Variants in FBXW8 observed in about 807,000 individuals in gnomAD.
FBXW8 encodes F-box/WD repeat-containing protein 8.
A neutral mutation model predicts 65.3 loss-of-function variants in FBXW8; 57 were observed. The ratio of observed to expected loss-of-function variants is 0.87; its 90% CI spans 0.71 to 1.09. The LOEUF (loss-of-function observed/expected upper bound fraction) is 1.09, where lower values mean the gene tolerates loss of function less well. Among genes scored for constraint, FBXW8 ranks in the 50% least tolerant of loss-of-function variants. FBXW8 has a pLI of 0.00. For missense variants in FBXW8, 777 were observed against 814.8 expected, an observed-to-expected ratio of 0.95 and a Z score of 0.57; for synonymous variants, 308 against 330.2, an observed-to-expected ratio of 0.93 and a Z score of 0.73.
At chr12:116,990,673 T>G (rs1373364760) in intron 7 of FBXW8, among the ~76,000 whole-genome samples, 1 of 152,218 alleles carries the variant, frequency 6.6e-6, no homozygotes, top group East Asian at 1.9e-4. Flanking sequence ...AGTAATACAG[T>G]TGTAATGGAT....
chr12:116,932,610 A>G (rs7959860), intron 2 of FBXW8, among the ~76,000 whole-genome samples: 7,191 of 152,232 alleles, frequency 0.047, 415 homozygotes, highest in African/African-American at 0.13. Flanking sequence ...ATCTCGGCTC[A>G]CTGCAACCTC....
intron 4 of FBXW8, among the ~76,000 whole-genome samples, chr12:116,960,579 A>G (rs146877316): frequency 8.9e-4 from 136 of 152,350 alleles, no homozygotes; most frequent in African/African-American, 3.1e-3. Flanking sequence ...CAGTTTGGAA[A>G]TAAGTGGAAG....
rs544237486 is a variant in FBXW8, at chr12:116,936,177, C to T, written c.423+8050C>T. Among the ~76,000 whole-genome samples the T allele has an allele frequency of 3.9e-5, 6 of 152,128 alleles. No individual in the cohort carries two copies. The highest frequency in any genetic ancestry group is 1.4e-4 in the African/African-American group (6 of 41,504). On this transcript the variant is annotated intron_variant, in intron 2 of 10. Transcript: ENST00000652555. This position sits in a 1 kb window ranked among gnomAD's most constrained non-coding sequence, Gnocchi z 4.6. ...AGAGAAGGTGAGCTTTGAGCAAAGA[C>T]CTGAAGGAGGGGTGAAGGACACTGT...
At chr12:116,934,403 G>A (rs1882011874) in intron 2 of FBXW8, among the ~76,000 whole-genome samples, 1 of 152,032 alleles carries the variant, frequency 6.6e-6, no homozygotes, top group South Asian at 2.1e-4. Context: ...CATTGAACAG[G>A]TTTGTAATCT....
intron 4 of FBXW8, 28 bp downstream of exon 4, chr12:116,949,734 T>C: frequency 6.2e-7 from 1 of 1,603,732 alleles, no homozygotes; most frequent in Non-Finnish European, 8.5e-7. Flanking sequence ...CACTGAGTGC[T>C]CTGCATCTGA....
At chr12:116,983,724 T>C (rs1053079291) in intron 5 of FBXW8, among the ~76,000 whole-genome samples, 1 of 152,220 alleles carries the variant, frequency 6.6e-6, no homozygotes, top group East Asian at 1.9e-4. Flanking sequence ...GATTTACGGA[T>C]GATCAATAGA....
intron 2 of FBXW8, among the ~76,000 whole-genome samples, chr12:116,940,192 G>A (rs550163042): frequency 5.9e-5 from 9 of 152,250 alleles, no homozygotes; most frequent in South Asian, 4.1e-4. Context: ...TGTCAGCCTG[G>A]GGGGTGGGCT....
intron 1 of FBXW8, among the ~76,000 whole-genome samples, chr12:116,917,070 G>A (rs993571334): frequency 6.6e-6 from 1 of 152,176 alleles, no homozygotes; most frequent in Non-Finnish European, 1.5e-5. Context: ...CATAGGTCAT[G>A]TTTGTTATTC....
Position 116,928,057 on chromosome 12 carries a change from A to G in FBXW8, c.353A>G (p.Gln118Arg). 1 of 1,610,560 alleles carries G rather than the reference A, an allele frequency of 6.2e-7. No individual in the cohort carries two copies. Among genetic ancestry groups the G allele is most frequent in the Non-Finnish European group, 8.5e-7 (1 of 1,178,746 alleles). The change falls in exon 2 of 11, where the codon CAA becomes CGA. Residue 118 changes from glutamine (Q) to arginine (R), a missense_variant. Physicochemically the swap from Gln to Arg is conservative, Grantham distance 43. Coordinates refer to ENST00000652555, the MANE Select transcript of FBXW8 (RefSeq NM_153348.3). Reference protein sequence around the residue: ...EMNDVPFFDIQLPYELAINIF... With the variant: ...EMNDVPFFDIRLPYELAINIF... Reference sequence around the variant, plus strand: ...AATGATGTGCCTTTCTTTGATATCCAACTGCCTTACGAATTGGCAATCAAT... The same window carrying G: ...AATGATGTGCCTTTCTTTGATATCCGACTGCCTTACGAATTGGCAATCAAT...
chr12:117,024,088 C>A, intron 8 of FBXW8, 59 bp from the exon 9 acceptor site: 1 of 1,569,364 alleles, frequency 6.4e-7, no homozygotes, highest in Non-Finnish European at 8.7e-7. Context: ...GGGAGTTTGT[C>A]ATTTGAAGCT....
At chr12:116,959,313 G>A (rs1407467279) in intron 4 of FBXW8, among the ~76,000 whole-genome samples, 2 of 152,158 alleles carry the variant, frequency 1.3e-5, no homozygotes, top group Non-Finnish European at 2.9e-5. Flanking sequence ...ACTTAAATGG[G>A]GGTGGTTCTT....
At chr12:116,963,968 G>A (rs1381608547) in intron 4 of FBXW8, among the ~76,000 whole-genome samples, 1 of 152,166 alleles carries the variant, frequency 6.6e-6, no homozygotes, top group Non-Finnish European at 1.5e-5. Flanking sequence ...TTATCATCTG[G>A]CCATTCTGTC....
chr12:116,919,531 T>C (rs1340387293), intron 1 of FBXW8, among the ~76,000 whole-genome samples: 1 of 152,204 alleles, frequency 6.6e-6, no homozygotes, highest in Non-Finnish European at 1.5e-5. Context: ...TCGTTAGTAC[T>C]CAGAGTTTGC....
intron 6 of FBXW8, chr12:116,986,118 G>A (rs1885659259): frequency 6.6e-6 from 1 of 152,226 alleles, no homozygotes. Flanking sequence ...TGGTAGGAGA[G>A]TGAGCAGAAA....
chr12:116,986,042 G>A (rs543619399), intron 6 of FBXW8: 1 of 152,354 alleles, frequency 6.6e-6, no homozygotes, highest in South Asian at 2.1e-4. Context: ...TTGGTGTTAA[G>A]AAGGAAGTGC....
At chr12:116,986,764 G>A (rs987382236) in intron 6 of FBXW8, 1 of 152,280 alleles carries the variant, frequency 6.6e-6, no homozygotes, top group African/African-American at 2.4e-5. Context: ...GTGGCATCCT[G>A]GCACAGACTG....
At chr12:117,014,220 C>T (rs1468644892) in intron 8 of FBXW8, among the ~76,000 whole-genome samples, 1 of 152,166 alleles carries the variant, frequency 6.6e-6, no homozygotes, top group East Asian at 1.9e-4. Flanking sequence ...GCTGTTGAGC[C>T]TATCCAGTGA....
intron 8 of FBXW8, among the ~76,000 whole-genome samples, chr12:117,013,525 C>T (rs1953875210): frequency 6.6e-6 from 1 of 152,078 alleles, no homozygotes; most frequent in African/African-American, 2.4e-5. Flanking sequence ...TTAGGGCTGG[C>T]TGCTCATGTC....
intron 1 of FBXW8, among the ~76,000 whole-genome samples, chr12:116,911,866 C>CA (rs1194963793): frequency 6.6e-6 from 1 of 151,842 alleles, no homozygotes; most frequent in Non-Finnish European, 1.5e-5. Flanking sequence ...TGCACGTATT[C>CA]AAAAAAATTA....
Sources: gnomAD v4.1 joint callset for allele counts (sites outside exome capture counted in the v4.1 genomes callset) on GRCh38, gnomAD v4.1.1 for gene constraint, Gnocchi (gnomAD v3.1) non-coding constraint, MANE v1.5 for transcripts, NCBI Gene and HGNC (gene_info 2026-07-23, HGNC 2026-07-21) for gene names.